Variants in PDE7B observed in about 807,000 individuals in gnomAD.
PDE7B encodes the protein phosphodiesterase 7B.
PDE7B carries 29 observed loss-of-function variants against 56.2 expected under a neutral mutation model. The observed-to-expected ratio is 0.52, with a 90% CI of 0.38 to 0.70. The LOEUF is 0.70. PDE7B is among the 30% of genes least tolerant of loss of function. The probability of loss-of-function intolerance (pLI) is 0.00; values close to 1 mark genes in which losing one functional copy is unlikely to be tolerated. For synonymous variants in PDE7B, 197 were observed against 196.9 expected (o/e 1.00, Z 0.00); for missense variants, 490 against 565.0 (o/e 0.87, Z 1.35).
intron 2 of PDE7B, among the ~76,000 whole-genome samples, chr6:136,068,520 T>G (rs1776988864): frequency 1.4e-5 from 2 of 138,180 alleles, no homozygotes; most frequent in South Asian, 4.8e-4. Context: ...AAGCTCCGCC[T>G]CCCGGGTTCA....
chr6:136,156,698 T>C (rs1186538131), intron 8 of PDE7B, among the ~76,000 whole-genome samples: 2 of 152,226 alleles, frequency 1.3e-5, no homozygotes, highest in Non-Finnish European at 2.9e-5. Flanking sequence ...ACCATACAGA[T>C]ATCTTCAGTG....
intron 1 of PDE7B, among the ~76,000 whole-genome samples, chr6:135,920,163 G>A (rs982521506): frequency 2.6e-5 from 4 of 151,924 alleles, no homozygotes; most frequent in Admixed American, 6.6e-5. Flanking sequence ...AATATTTGTC[G>A]TGTCATCCAA....
At position 135,941,869 on chromosome 6, in the gene PDE7B, T is replaced by C. The variant is rs147610172; in HGVS notation, c.22-5595T>C. Among the ~76,000 whole-genome samples, 385 of 152,302 alleles carry C rather than the reference T, an allele frequency of 2.5e-3. 1 individual carries two copies. Among genetic ancestry groups the C allele is most frequent in the African/African-American group, 8.3e-3 (343 of 41,564 alleles). On this transcript the variant is annotated intron_variant, in intron 1 of 12. Transcript: ENST00000308191. ...ACTGTTCTGAAGATATCAAGACACATTCTCTAAAAAGATTAGTTGCTGGAG... is the reference window on the plus strand; with the variant it reads ...ACTGTTCTGAAGATATCAAGACACACTCTCTAAAAAGATTAGTTGCTGGAG...
chr6:135,987,174 C>T (rs1018913003), intron 2 of PDE7B, among the ~76,000 whole-genome samples: 8 of 152,204 alleles, frequency 5.3e-5, no homozygotes, highest in Non-Finnish European at 1.0e-4. Context: ...GTAGATGACA[C>T]GCCTTGAGGA....
intron 2 of PDE7B, among the ~76,000 whole-genome samples, chr6:135,959,849 C>T (rs1426029517): frequency 2.0e-5 from 3 of 152,146 alleles, no homozygotes; most frequent in Non-Finnish European, 4.4e-5. Flanking sequence ...TCAGAGCTCG[C>T]TGCCTCCTGG....
intron 2 of PDE7B, among the ~76,000 whole-genome samples, chr6:135,997,231 T>C (rs1186360826): frequency 6.6e-6 from 1 of 151,516 alleles, no homozygotes; most frequent in African/African-American, 2.4e-5. Context: ...CTAAGCAATA[T>C]GGTGAGGCCC....
At chr6:136,149,877 T>C (rs1421903575) in intron 5 of PDE7B, among the ~76,000 whole-genome samples, 1 of 152,150 alleles carries the variant, frequency 6.6e-6, no homozygotes, top group Admixed American at 6.5e-5. Flanking sequence ...TGGCAAACAA[T>C]ATGCAGTTGA....
At chr6:135,971,462 C>A (rs1221878124) in intron 2 of PDE7B, among the ~76,000 whole-genome samples, 1 of 152,072 alleles carries the variant, frequency 6.6e-6, no homozygotes. Context: ...TTTAGGCAGA[C>A]CCCGTCAGAG....
At chr6:135,994,715 C>CTTATTG (rs1442456730) in intron 2 of PDE7B, among the ~76,000 whole-genome samples, 4 of 152,146 alleles carry the variant, frequency 2.6e-5, no homozygotes, top group Non-Finnish European at 4.4e-5. Flanking sequence ...GGATCTAGCA[C>CTTATTG]AGGTTTGGCA....
intron 2 of PDE7B, among the ~76,000 whole-genome samples, chr6:136,010,315 T>C (rs1775869633): frequency 1.3e-5 from 2 of 152,066 alleles, no homozygotes; most frequent in African/African-American, 4.8e-5. Flanking sequence ...TTCGAAACAA[T>C]CTATACCAGG....
intron 3 of PDE7B, among the ~76,000 whole-genome samples, chr6:136,126,484 G>C (rs1778025000): frequency 6.6e-6 from 1 of 152,138 alleles, no homozygotes; most frequent in Non-Finnish European, 1.5e-5. Flanking sequence ...GTTATTATAT[G>C]AAAAAGATAC....
intron 8 of PDE7B, among the ~76,000 whole-genome samples, chr6:136,172,739 G>A (rs1290810590): frequency 2.0e-5 from 3 of 151,996 alleles, no homozygotes; most frequent in African/African-American, 7.3e-5. Context: ...TATTGCCTAG[G>A]TTTTCTTCTA....
At chr6:136,109,686 G>C (rs1278232290) in intron 3 of PDE7B, among the ~76,000 whole-genome samples, 5 of 152,210 alleles carry the variant, frequency 3.3e-5, no homozygotes, top group South Asian at 4.2e-4. Context: ...CAGTAGTTTT[G>C]CTCAACCTTT....
At chr6:136,045,198 G>A (rs1776482583) in intron 2 of PDE7B, among the ~76,000 whole-genome samples, 2 of 152,054 alleles carry the variant, frequency 1.3e-5, no homozygotes. Flanking sequence ...AGAGCTCACG[G>A]AATTTGTGAT....
In PDE7B at chr6:135,935,194, A is replaced by ATATATT. The variant is rs1562445459; in HGVS notation, c.22-12265_22-12264insTTATAT. 1.7e-4 allele frequency among the ~76,000 whole-genome samples: 13 copies of ATATATT among 77,226 alleles called. 3 individuals carry two copies. The highest frequency in any genetic ancestry group is 5.0e-4 in the Admixed American group (3 of 5,964). The allele number at this position is 77,226 out of a possible 152,430, so 50.7% of individuals were successfully genotyped here. A position where few individuals can be genotyped will look rare whatever the true frequency, so the allele number is the denominator to read the frequency against. Reference sequence around the variant, plus strand: ...ATTTTATATATATATATTTATTTATATATATATATATATATATATATATTT... The same window carrying ATATATT: ...ATTTTATATATATATATTTATTTATATATATTTATATATATATATATATATATATTT... On this transcript the variant is annotated intron_variant, in intron 1 of 12. Coordinates refer to ENST00000308191, the MANE Select transcript of PDE7B (RefSeq NM_018945.4).
intron 2 of PDE7B, among the ~76,000 whole-genome samples, chr6:135,978,365 ATGAGTGAGTGAG>A (rs141041162): frequency 6.6e-6 from 1 of 151,878 alleles, no homozygotes; most frequent in Non-Finnish European, 1.5e-5. Context: ...ATTGCTGTGG[ATGAGTGAGTGAG>A]TGAGTGAGTG....
chr6:135,928,509 ATATATT>A lies in PDE7B; in HGVS notation c.22-18951_22-18946del, dbSNP rs1333057355. 2.3e-5 allele frequency among the ~76,000 whole-genome samples: 3 copies of A among 132,760 alleles called. No individual in the cohort carries two copies. The East Asian group carries it at 6.4e-4, about 28-fold the overall frequency. 87.1% of individuals were successfully genotyped at this position (132,760 alleles called of 152,430 possible). ...TATTTATATATATATATTTATATATATATATTTATTTATATATATACACACACACAC... is the reference window on the plus strand; with the variant it reads ...TATTTATATATATATATTTATATATATATTTATATATATACACACACACAC... On this transcript the variant is annotated intron_variant, in intron 1 of 12. Transcript: ENST00000308191.
intron 1 of PDE7B, among the ~76,000 whole-genome samples, chr6:135,871,918 A>G (rs1412691445): frequency 6.6e-6 from 1 of 152,224 alleles, no homozygotes; most frequent in Admixed American, 6.6e-5. Flanking sequence ...AATTTTAATT[A>G]ATGATTCTTA....
intron 2 of PDE7B, among the ~76,000 whole-genome samples, chr6:136,054,531 A>G (rs545750210): frequency 2.0e-4 from 31 of 152,282 alleles, no homozygotes; most frequent in African/African-American, 6.5e-4. Context: ...TTGACTTGGC[A>G]ATGCGAGCCC....
Sources: gnomAD v4.1 joint callset for allele counts (sites outside exome capture counted in the v4.1 genomes callset) on GRCh38, gnomAD v4.1.1 for gene constraint, MANE v1.5 for transcripts, NCBI Gene and HGNC (gene_info 2026-07-23, HGNC 2026-07-21) for gene names.